Variants in FANCI observed in about 807,000 individuals in gnomAD.
FANCI encodes Fanconi anemia group I protein.
In FANCI, 156 loss-of-function variants were observed where a neutral mutation model predicts 176.1. That is an observed-to-expected ratio of 0.89 (90% CI 0.78 to 1.01). The LOEUF is 1.01. FANCI is among the 50% of genes least tolerant of loss of function. The pLI is 0.00. For missense variants in FANCI, 1,678 were observed against 1,534.1 expected, an observed-to-expected ratio of 1.09 and a Z score of -1.57; for synonymous variants, 613 against 541.7, an observed-to-expected ratio of 1.13 and a Z score of -1.83.
intron 15 of FANCI, 111 bp downstream of exon 15, chr15:89,281,411 T>C (rs978597345): frequency 7.4e-7 from 1 of 1,354,620 alleles, no homozygotes; most frequent in Non-Finnish European, 1.0e-6. Context: ...TATTCCACTT[T>C]AGTCTGAAAC....
intron 34 of FANCI, 125 bp from the exon 35 acceptor site, chr15:89,312,779 A>C: frequency 1.4e-6 from 1 of 731,718 alleles, no homozygotes; most frequent in South Asian, 1.7e-5. Flanking sequence ...ACATCACGCC[A>C]CTGCACACCA....
intron 26 of FANCI, among the ~76,000 whole-genome samples, chr15:89,300,710 C>G (rs1952778889): frequency 1.3e-5 from 2 of 152,184 alleles, no homozygotes; most frequent in African/African-American, 4.8e-5. Context: ...TTGGCTTGGT[C>G]TGACAGACAA....
chr15:89,308,010 T>C (rs2054793938), intron 34 of FANCI: 1 of 1,222,338 alleles, frequency 8.2e-7, no homozygotes, highest in Admixed American at 3.6e-5. Flanking sequence ...GTGAGCAGAG[T>C]AGCAGCAAGC....
intron 1 of FANCI, chr15:89,244,385 G>A (rs1042652715): frequency 1.3e-5 from 2 of 152,188 alleles, no homozygotes; most frequent in Non-Finnish European, 2.9e-5. Context: ...TTGTATTTGC[G>A]CTCACGGCTT....
chr15:89,315,144 G>C, intron 36 of FANCI, 138 bp from the exon 37 acceptor site: 1 of 712,750 alleles, frequency 1.4e-6, no homozygotes, highest in Non-Finnish European at 2.6e-6. Context: ...CTGAACCCCA[G>C]CATACAGAAG....
chr15:89,309,708 G>C (rs2054879911), intron 34 of FANCI, among the ~76,000 whole-genome samples: 1 of 152,188 alleles, frequency 6.6e-6, no homozygotes, highest in African/African-American at 2.4e-5. Context: ...AACAGCGTGA[G>C]ACCCTGTCTC....
At chr15:89,250,244 C>G (rs141726735) in intron 2 of FANCI, among the ~76,000 whole-genome samples, 4 of 152,056 alleles carry the variant, frequency 2.6e-5, no homozygotes, top group African/African-American at 9.7e-5. Context: ...CACATTCACA[C>G]GTATGTTTAT....
chr15:89,285,875 A>G (rs999914223), intron 18 of FANCI, among the ~76,000 whole-genome samples: 1 of 152,204 alleles, frequency 6.6e-6, no homozygotes, highest in South Asian at 2.1e-4. Context: ...ACAGTTTAGC[A>G]CAAAAATCTT....
Position 89,293,481 on chromosome 15 carries a change from G to T in FANCI, c.2292-352G>T, listed in dbSNP as rs534033940. Among the ~76,000 whole-genome samples, 10 of 152,324 alleles carry T rather than the reference G, an allele frequency of 6.6e-5. No individual in the cohort carries two copies. The East Asian group carries it at 1.9e-3, about 29-fold the overall frequency. The stretch of plus-strand genomic sequence containing the variant: ...CTGGGTGTATCACTTGAGGTCAGGA[G>T]TTCAAGACCAGCCTGGCCAACATGG... On this transcript the variant is annotated intron_variant, in intron 22 of 37. Transcript: ENST00000310775.
intron 2 of FANCI, among the ~76,000 whole-genome samples, chr15:89,255,200 A>G (rs1331623452): frequency 2.6e-5 from 4 of 152,126 alleles, no homozygotes; most frequent in African/African-American, 9.7e-5. Context: ...AATGTGTCTC[A>G]TTTAGGGCCT....
rs371406434 is a variant in FANCI, at chr15:89,270,155, C to A, written c.882+1630C>A. 2.2e-4 allele frequency among the ~76,000 whole-genome samples: 33 copies of A among 152,238 alleles called. No homozygotes were observed. The East Asian group carries it at 6.4e-3, about 29-fold the overall frequency. On this transcript the variant is annotated intron_variant, in intron 10 of 37. Transcript: ENST00000310775. ...CCCCAACCATTTAAAACCATAAAAACCAGTGTTAGCTCATGGGTTGCACAA... is the reference window on the plus strand; with the variant it reads ...CCCCAACCATTTAAAACCATAAAAAACAGTGTTAGCTCATGGGTTGCACAA...
intron 7 of FANCI, 48 bp downstream of exon 7, chr15:89,263,508 T>C (rs2052804504): frequency 6.8e-7 from 1 of 1,477,976 alleles, no homozygotes; most frequent in South Asian, 1.1e-5. Flanking sequence ...CTTTGTGAAC[T>C]TACTTGCTAG....
At chr15:89,290,094 T>C (rs879356878) in intron 18 of FANCI, 119 bp from the exon 19 acceptor site, 7 of 809,534 alleles carry the variant, frequency 8.6e-6, no homozygotes, top group Admixed American at 7.8e-5. Context: ...CTGTCAAATA[T>C]GGTCTCAATA....
At chr15:89,298,478 A>G (rs12591450) in intron 24 of FANCI, among the ~76,000 whole-genome samples, 1,677 of 152,330 alleles carry the variant, frequency 0.011, 68 homozygotes, top group Admixed American at 0.072. Flanking sequence ...TGATCCAGCC[A>G]AAGTGCTATT....
At chr15:89,314,516 C>T in intron 35 of FANCI, 96 bp from the exon 36 acceptor site, 1 of 906,024 alleles carries the variant, frequency 1.1e-6, no homozygotes, top group Non-Finnish European at 1.8e-6. Context: ...GACTAGTTTT[C>T]CCCTAAAGCC....
intron 34 of FANCI, chr15:89,307,920 G>A: frequency 2.9e-6 from 4 of 1,374,810 alleles, no homozygotes; most frequent in Non-Finnish European, 3.8e-6. Flanking sequence ...AGCAAGGAAG[G>A]AACAAGCATG....
rs1288274256 is a variant in FANCI at position 89,264,583 on chromosome 15, A to G, written c.731A>G (p.His244Arg). 1 of 1,613,792 alleles carries G rather than the reference A, an allele frequency of 6.2e-7. No homozygotes were observed. Among genetic ancestry groups the G allele is most frequent in the Non-Finnish European group, 8.5e-7 (1 of 1,179,774 alleles). Residue 244 changes from histidine to arginine, a missense_variant, in exon 9 of 38, where the codon CAC becomes CGC. His to Arg is a conservative substitution (Grantham distance 29, BLOSUM62 0). Around this residue, in one of 3 missense-constraint regions of FANCI, gnomAD observed 469 missense variants for 436.9 expected, o/e 1.07. Coordinates refer to ENST00000310775, the MANE Select transcript of FANCI (RefSeq NM_001113378.2). The stretch of plus-strand genomic sequence containing the variant: ...TTCTTCAGTGCACTAGATAAGCAGC[A>G]CAATGAGGAACAGAGTGGTGACGAG... ...IAFFSALDKQ[H>R]NEEQSGDELL...
At chr15:89,264,702 A>G (rs982403291) in intron 9 of FANCI, 95 bp downstream of exon 9, 9 of 1,106,552 alleles carry the variant, frequency 8.1e-6, no homozygotes, top group African/African-American at 6.2e-5. Context: ...CTCACCGCCT[A>G]CCTTCACCTC....
At chr15:89,273,611 A>G in intron 11 of FANCI, 142 bp downstream of exon 11, 1 of 653,054 alleles carries the variant, frequency 1.5e-6, no homozygotes, top group South Asian at 1.7e-5. Context: ...AGCTGCAATA[A>G]GACATGTATG....
Sources: allele counts gnomAD v4.1 joint callset (sites outside exome capture counted in the v4.1 genomes callset), GRCh38; gene constraint gnomAD v4.1.1; regional missense constraint gnomAD v4.1.1; transcripts MANE v1.5; gene names NCBI Gene and HGNC (gene_info 2026-07-23, HGNC 2026-07-21).